SPOCK3: variants seen among roughly 807,000 people sequenced by gnomAD.
The protein encoded by SPOCK3 is testican-3.
SPOCK3 carries 30 observed loss-of-function variants against 56.6 expected under a neutral mutation model. The observed-to-expected ratio is 0.53, with a 90% CI of 0.40 to 0.72. The LOEUF (loss-of-function observed/expected upper bound fraction) is 0.72. SPOCK3 is among the 30% of genes least tolerant of loss of function. The probability of loss-of-function intolerance (pLI) is 0.00; values close to 1 mark genes in which losing one functional copy is unlikely to be tolerated. For missense variants in SPOCK3, 527 were observed against 530.0 expected (o/e 0.99, Z 0.06); for synonymous variants, 196 against 183.3 (o/e 1.07, Z -0.56).
intron 2 of SPOCK3, among the ~76,000 whole-genome samples, chr4:167,092,721 A>G (rs773800469): frequency 1.3e-5 from 2 of 152,168 alleles, no homozygotes; most frequent in Non-Finnish European, 2.9e-5. Flanking sequence ...ATTTCTCCAC[A>G]TACTGAGGAA....
At chr4:166,827,308 C>A (rs1745578196) in intron 6 of SPOCK3, among the ~76,000 whole-genome samples, 1 of 152,004 alleles carries the variant, frequency 6.6e-6, no homozygotes, top group Non-Finnish European at 1.5e-5. Context: ...CCACCTCCTG[C>A]CTTTTGGAAA....
At chr4:167,059,920 C>T (rs1755391726) in intron 3 of SPOCK3, among the ~76,000 whole-genome samples, 4 of 151,308 alleles carry the variant, frequency 2.6e-5, no homozygotes, top group Admixed American at 6.6e-5. Context: ...CCAAACACCG[C>T]ATATTCTCAC....
At chr4:166,869,410 A>G (rs1732214950) in intron 6 of SPOCK3, among the ~76,000 whole-genome samples, 1 of 152,066 alleles carries the variant, frequency 6.6e-6, no homozygotes, top group African/African-American at 2.4e-5. Context: ...GCTTTTTGGC[A>G]TATTTGTGCT....
intron 2 of SPOCK3, among the ~76,000 whole-genome samples, chr4:167,203,797 T>C (rs546709954): frequency 3.9e-5 from 6 of 152,138 alleles, no homozygotes; most frequent in Non-Finnish European, 7.4e-5. Context: ...TCTACACATA[T>C]GAGATAAAAA....
chr4:166,831,354 AT>A (rs1274828782), intron 6 of SPOCK3, among the ~76,000 whole-genome samples: 2 of 152,072 alleles, frequency 1.3e-5, no homozygotes, highest in Non-Finnish European at 2.9e-5. Context: ...AACTGGTATC[AT>A]TTTTTGTTTT....
chr4:166,998,562 T>C (rs1401717862), intron 4 of SPOCK3, among the ~76,000 whole-genome samples: 2 of 152,126 alleles, frequency 1.3e-5, no homozygotes, highest in East Asian at 3.9e-4. Flanking sequence ...TTGAGGCAGT[T>C]ACTTTAACCT....
At chr4:167,220,347 C>G (rs562354979) in intron 2 of SPOCK3, among the ~76,000 whole-genome samples, 1 of 149,864 alleles carries the variant, frequency 6.7e-6, no homozygotes, top group South Asian at 2.1e-4. Flanking sequence ...AGATGTTAAA[C>G]TTCTAATCCA....
chr4:166,834,829 C>G (rs1159747367), intron 6 of SPOCK3, among the ~76,000 whole-genome samples: 1 of 151,976 alleles, frequency 6.6e-6, no homozygotes, highest in Non-Finnish European at 1.5e-5. Flanking sequence ...TCTTTTTTAT[C>G]TCTCTTTTAA....
intron 3 of SPOCK3, among the ~76,000 whole-genome samples, chr4:167,021,886 G>T (rs1191345888): frequency 2.0e-5 from 3 of 151,896 alleles, no homozygotes; most frequent in Non-Finnish European, 2.9e-5. Context: ...TTTAACTAAA[G>T]GTTTTTGGAC....
At chr4:167,106,134 T>C (rs1396193773) in intron 2 of SPOCK3, among the ~76,000 whole-genome samples, 1 of 151,904 alleles carries the variant, frequency 6.6e-6, no homozygotes, top group Non-Finnish European at 1.5e-5. Flanking sequence ...ATGACCTTTA[T>C]AGGTATATAC....
intron 2 of SPOCK3, among the ~76,000 whole-genome samples, chr4:167,196,613 C>A (rs1732978563): frequency 6.6e-6 from 1 of 152,020 alleles, no homozygotes; most frequent in Admixed American, 6.6e-5. Flanking sequence ...GAAATGGTGG[C>A]TGAGTGTAGC....
chr4:167,011,868 A>G (rs1750107551), intron 3 of SPOCK3, among the ~76,000 whole-genome samples: 1 of 152,114 alleles, frequency 6.6e-6, no homozygotes, highest in Admixed American at 6.6e-5. Flanking sequence ...TATGCTTTTT[A>G]CAACTGTGCA....
intron 3 of SPOCK3, among the ~76,000 whole-genome samples, chr4:167,037,561 A>C (rs2150193841): frequency 6.6e-6 from 1 of 151,846 alleles, no homozygotes; most frequent in African/African-American, 2.4e-5. Context: ...GAAATATCTA[A>C]AAGCATCTTC....
chr4:167,207,513 A>C (rs980041477), intron 2 of SPOCK3, among the ~76,000 whole-genome samples: 71 of 152,102 alleles, frequency 4.7e-4, no homozygotes, highest in African/African-American at 1.7e-3. Flanking sequence ...TTAAAACATG[A>C]ATCTTTAACT....
intron 3 of SPOCK3, among the ~76,000 whole-genome samples, chr4:167,037,128 C>T (rs780456439): frequency 5.3e-5 from 8 of 152,106 alleles, no homozygotes; most frequent in Non-Finnish European, 1.0e-4. Context: ...TGTTGCCATC[C>T]TCAAAAGTAG....
At chr4:167,000,274 A>C (rs1392979757) in intron 4 of SPOCK3, 75 bp downstream of exon 4, 2 of 671,644 alleles carry the variant, frequency 3.0e-6, no homozygotes, top group African/African-American at 3.7e-5. Context: ...AGGCACTGCC[A>C]AATATTTATA....
intron 2 of SPOCK3, among the ~76,000 whole-genome samples, chr4:167,137,663 A>C (rs1580406468): frequency 1.3e-5 from 2 of 151,988 alleles, no homozygotes; most frequent in South Asian, 4.1e-4. Context: ...GTATTTTCTG[A>C]CTATACAACT....
intron 2 of SPOCK3, among the ~76,000 whole-genome samples, chr4:167,135,066 A>G (rs918550690): frequency 4.7e-5 from 7 of 149,908 alleles, no homozygotes; most frequent in Non-Finnish European, 1.0e-4. Context: ...TCAAACACAT[A>G]TAAATATAAA....
intron 6 of SPOCK3, among the ~76,000 whole-genome samples, chr4:166,811,062 G>A (rs10029660): frequency 0.053 from 7,981 of 151,550 alleles, 649 homozygotes; most frequent in African/African-American, 0.17. Flanking sequence ...TTATATTTTT[G>A]TTTCTAATGA....
Sources: allele counts gnomAD v4.1 joint callset (sites outside exome capture counted in the v4.1 genomes callset), GRCh38; gene constraint gnomAD v4.1.1; transcripts MANE v1.5; gene names NCBI Gene and HGNC (gene_info 2026-07-23, HGNC 2026-07-21).